Variants in NHS observed in about 807,000 individuals in gnomAD.
The protein encoded by NHS is actin remodeling regulator NHS.
In NHS, 5 loss-of-function variants were observed where a neutral mutation model predicts 72.5. The observed-to-expected ratio is 0.07, with a 90% CI of 0.04 to 0.14. The LOEUF (loss-of-function observed/expected upper bound fraction) is 0.14, where lower values mean the gene tolerates loss of function less well. NHS is among the 10% of genes least tolerant of loss of function. The probability of loss-of-function intolerance (pLI) is 1.00; values close to 1 mark genes in which losing one functional copy is unlikely to be tolerated. For missense variants in NHS, 1,072 were observed against 1,355.7 expected (o/e 0.79, Z 3.29); for synonymous variants, 464 against 547.7 (o/e 0.85, Z 2.13).
chrX:17,451,374 A>T (rs1473344592), intron 1 of NHS, among the ~76,000 whole-genome samples: 1 of 112,068 alleles, frequency 8.9e-6, no homozygotes, highest in Non-Finnish European at 1.9e-5. Context: ...ATTTTCCACC[A>T]CCATCACCTT....
intron 1 of NHS, among the ~76,000 whole-genome samples, chrX:17,584,850 C>G (rs1469904172): frequency 8.9e-6 from 1 of 111,782 alleles, no homozygotes; most frequent in East Asian, 2.8e-4. Context: ...ATATTGTTAT[C>G]AATATAGGAA....
intron 1 of NHS, among the ~76,000 whole-genome samples, chrX:17,591,570 G>A (rs1172863303): frequency 1.8e-5 from 2 of 111,464 alleles, no homozygotes; most frequent in Non-Finnish European, 3.8e-5. Context: ...TTCTGCCTTC[G>A]TGCCCAGGTC....
Position 17,635,430 on chromosome X carries a change from G to A in NHS, c.566-52312G>A, listed in dbSNP as rs758927541. ...AAATCTGCCATCCTCCTTGCAGAAG[G>A]TTGCCCTCTCTCGCCCTCCATCCCC... On this transcript the variant is annotated intron_variant, in intron 1 of 8. Coordinates refer to ENST00000676302, the MANE Select transcript of NHS (RefSeq NM_001291867.2). 17 of 1,162,004 alleles carry A rather than the reference G, an allele frequency of 1.5e-5. No individual in the cohort carries two copies. The African/African-American group carries it at 2.9e-4, about 20-fold the overall frequency.
At chrX:17,627,826 A>G (rs948162508) in intron 1 of NHS, among the ~76,000 whole-genome samples, 2 of 112,223 alleles carry the variant, frequency 1.8e-5, no homozygotes, top group Non-Finnish European at 3.8e-5. Context: ...CTCCTCTCCC[A>G]TGCCCAAATC....
intron 1 of NHS, among the ~76,000 whole-genome samples, chrX:17,535,958 A>G (rs1364521052): frequency 3.6e-5 from 4 of 111,891 alleles, no homozygotes; most frequent in African/African-American, 1.3e-4. Flanking sequence ...GAAGAAGGGA[A>G]CATTTAACTC....
chrX:17,389,784 T>C (rs912714107), intron 1 of NHS, among the ~76,000 whole-genome samples: 9 of 109,489 alleles, frequency 8.2e-5, no homozygotes, highest in Non-Finnish European at 1.5e-4. Context: ...GTAGTTTTAG[T>C]AGAGATGGGG....
chrX:17,523,938 G>A (rs868125463), intron 1 of NHS, among the ~76,000 whole-genome samples: 1 of 111,588 alleles, frequency 9.0e-6, no homozygotes, highest in Admixed American at 9.5e-5. Flanking sequence ...AAGAAGCTAA[G>A]AGGGGGTCCA....
chrX:17,537,764 C>T (rs918678952), intron 1 of NHS, among the ~76,000 whole-genome samples: 2 of 111,805 alleles, frequency 1.8e-5, no homozygotes, highest in South Asian at 3.8e-4. Context: ...AGCTTCCTGA[C>T]CCGCCAGGCT....
At chrX:17,476,669 T>A (rs1339785955) in intron 1 of NHS, among the ~76,000 whole-genome samples, 2 of 111,584 alleles carry the variant, frequency 1.8e-5, no homozygotes, top group Admixed American at 9.5e-5. Context: ...AAGGACATTA[T>A]CAAGCTGAAT....
At chrX:17,408,891 A>G (rs1462840317) in intron 1 of NHS, among the ~76,000 whole-genome samples, 1 of 111,573 alleles carries the variant, frequency 9.0e-6, no homozygotes, top group African/African-American at 3.3e-5. Flanking sequence ...TGTCTTGTAG[A>G]TAACTGCGTT....
chrX:17,434,536 C>G (rs187347347), intron 1 of NHS, among the ~76,000 whole-genome samples: 1 of 106,308 alleles, frequency 9.4e-6, no homozygotes, highest in African/African-American at 3.5e-5. Flanking sequence ...CTCCGCCTCC[C>G]GGGTTCACGC....
chrX:17,438,361 T>G (rs967682901), intron 1 of NHS, among the ~76,000 whole-genome samples: 1 of 112,337 alleles, frequency 8.9e-6, no homozygotes, highest in African/African-American at 3.2e-5. Context: ...TGATACCTAC[T>G]GTAGAAAAAA....
intron 1 of NHS, among the ~76,000 whole-genome samples, chrX:17,493,551 G>A (rs1332739941): frequency 8.9e-6 from 1 of 112,121 alleles, no homozygotes; most frequent in African/African-American, 3.2e-5. Context: ...CATATAGTAG[G>A]TGCTTAGTAA....
intron 1 of NHS, among the ~76,000 whole-genome samples, chrX:17,514,682 C>T (rs1250255312): frequency 8.9e-6 from 1 of 111,747 alleles, no homozygotes; most frequent in African/African-American, 3.3e-5. Context: ...CTTTAGAGAA[C>T]GTTGACTAAT....
chrX:17,458,559 A>G (rs2064834332), intron 1 of NHS, among the ~76,000 whole-genome samples: 1 of 110,625 alleles, frequency 9.0e-6, no homozygotes, highest in African/African-American at 3.3e-5. Flanking sequence ...GTGGCTTGAT[A>G]TCGGCTCACT....
At chrX:17,718,638 G>A (rs1301030419) in intron 3 of NHS, among the ~76,000 whole-genome samples, 2 of 96,552 alleles carry the variant, frequency 2.1e-5, no homozygotes, top group Admixed American at 1.1e-4. Context: ...AAGGAAAAAA[G>A]GAAGGAAGAA....
intron 1 of NHS, among the ~76,000 whole-genome samples, chrX:17,570,529 G>C (rs911145754): frequency 5.4e-5 from 6 of 111,879 alleles, no homozygotes; most frequent in Non-Finnish European, 9.4e-5. Flanking sequence ...TGTATCCTGA[G>C]ACTTTGCTGA....
At chrX:17,412,809 A>G (rs374938101) in intron 1 of NHS, among the ~76,000 whole-genome samples, 4 of 112,515 alleles carry the variant, frequency 3.6e-5, no homozygotes, top group African/African-American at 9.7e-5. Context: ...TTAATCAAAG[A>G]TTCACAATTT....
At chrX:17,412,484 C>G (rs1301970668) in intron 1 of NHS, among the ~76,000 whole-genome samples, 2 of 110,348 alleles carry the variant, frequency 1.8e-5, no homozygotes, top group African/African-American at 6.6e-5. Flanking sequence ...GTAGTCCCAG[C>G]TACTCAGGAG....
Sources: gnomAD v4.1 joint callset for allele counts (sites outside exome capture counted in the v4.1 genomes callset) on GRCh38, gnomAD v4.1.1 for gene constraint, MANE v1.5 for transcripts, NCBI Gene and HGNC (gene_info 2026-07-23, HGNC 2026-07-21) for gene names.